OSGIN1: variants seen among roughly 807,000 people sequenced by gnomAD.
OSGIN1 encodes the protein oxidative stress-induced growth inhibitor 1.
In OSGIN1, 19 loss-of-function variants were observed where a neutral mutation model predicts 20.1. That is an observed-to-expected ratio of 0.95 (90% CI 0.66 to 1.39). The LOEUF is 1.39. OSGIN1 is among the 40% of genes most tolerant of loss of function. The pLI is 0.00. For missense variants in OSGIN1, 820 were observed against 653.0 expected (o/e 1.26, Z -2.79); for synonymous variants, 368 against 297.8 (o/e 1.24, Z -2.43).
chr16:83,962,977 C>T (rs1322103164), intron 5 of OSGIN1, among the ~76,000 whole-genome samples: 1 of 152,154 alleles, frequency 6.6e-6, no homozygotes, highest in African/African-American at 2.4e-5. Context: ...TAAAGGAGTT[C>T]TAGTCCCTGC....
intron 5 of OSGIN1, among the ~76,000 whole-genome samples, chr16:83,962,224 A>T (rs1389735470): frequency 2.0e-5 from 3 of 152,022 alleles, no homozygotes; most frequent in Non-Finnish European, 1.5e-5. Context: ...CAGTTAATTT[A>T]GGAAGTTTTG....
At chr16:83,958,230 T>C (rs1249113305) in intron 2 of OSGIN1, among the ~76,000 whole-genome samples, 2 of 152,218 alleles carry the variant, frequency 1.3e-5, no homozygotes, top group Non-Finnish European at 1.5e-5. Context: ...GCGTTTACTA[T>C]GTGGCCAGTG....
chr16:83,957,698 C>G lies in OSGIN1; in HGVS notation c.27C>G (p.Leu9=). Residue 9 remains leucine, a synonymous_variant, in exon 2 of 6, where the codon CTC becomes CTG. Coordinates refer to ENST00000393306, the MANE Select transcript of OSGIN1 (RefSeq NM_182981.3). MSSSRKDH[L]GASSSEPLPV... ...TGAGCTCCTCCAGAAAGGACCACCT[C>G]GGCGCCAGCAGCTCAGAGCCCCTCC... 2 of 1,606,790 alleles carry G rather than the reference C, an allele frequency of 1.2e-6. No individual in the cohort carries two copies. Among genetic ancestry groups the G allele is most frequent in the Non-Finnish European group, 1.7e-6 (2 of 1,176,394 alleles).
chr16:83,955,970 A>T (rs906723538), intron 1 of OSGIN1, among the ~76,000 whole-genome samples: 1 of 152,192 alleles, frequency 6.6e-6, no homozygotes, highest in African/African-American at 2.4e-5. Context: ...GAGCACCGAC[A>T]CAGGGGTCCC....
At chr16:83,955,491 C>T (rs1908884272) in intron 1 of OSGIN1, among the ~76,000 whole-genome samples, 1 of 152,300 alleles carries the variant, frequency 6.6e-6, no homozygotes, top group African/African-American at 2.4e-5. Context: ...GGCTCTGATC[C>T]AGCCCAGCCT....
chr16:83,957,935 A>G (rs971475497), intron 2 of OSGIN1, among the ~76,000 whole-genome samples, 197 bp downstream of exon 2: 1 of 151,992 alleles, frequency 6.6e-6, no homozygotes, highest in Admixed American at 6.6e-5. Flanking sequence ...GGAGTGCAGT[A>G]GTGCAATCTT....
At chr16:83,960,151 A>T (rs2151076955) in intron 3 of OSGIN1, among the ~76,000 whole-genome samples, 1 of 152,266 alleles carries the variant, frequency 6.6e-6, no homozygotes, top group East Asian at 1.9e-4. Context: ...TAGAGAGAAA[A>T]ATGTCCCCAC....
At chr16:83,954,568 G>A (rs113224982) in intron 1 of OSGIN1, 2,180 of 153,644 alleles carry the variant, frequency 0.014, 54 homozygotes, top group African/African-American at 0.047. Context: ...ATTTGTCCGA[G>A]GTTATGAGTG....
chr16:83,959,117 C>T (rs1044998185), intron 2 of OSGIN1, 143 bp from the exon 3 acceptor site: 6 of 631,302 alleles, frequency 9.5e-6, no homozygotes, highest in Non-Finnish European at 1.7e-5. Context: ...CAGTGTCTGG[C>T]ACAGGCTAAG....
intron 1 of OSGIN1, among the ~76,000 whole-genome samples, chr16:83,953,860 C>T (rs1029769826): frequency 1.3e-5 from 2 of 152,200 alleles, no homozygotes; most frequent in African/African-American, 4.8e-5. Context: ...AAGAGTGCGG[C>T]GGGTTGGGAG....
intron 5 of OSGIN1, among the ~76,000 whole-genome samples, chr16:83,963,399 C>T (rs904736922): frequency 4.6e-5 from 7 of 151,652 alleles, no homozygotes; most frequent in Non-Finnish European, 7.4e-5. Flanking sequence ...AAATCTTCAC[C>T]GAATGCTTAT....
chr16:83,965,951 G>T lies in OSGIN1; in HGVS notation c.1378G>T (p.Gly460Cys), dbSNP rs1219870341. The change falls in exon 6 of 6, where the codon GGC becomes TGC. Residue 460 changes from glycine to cysteine, a missense_variant. Transcript: ENST00000393306. ...CAACTTCGTGAGGTTTGTGCAGGGG[G>T]GCGCCTTGGCTGTGGCCAGCTCCCT... ...GDNFVRFVQG[G>C]ALAVASSLLR... 1.2e-6 allele frequency: 2 copies of T among 1,610,478 alleles called. No homozygotes were observed. The highest frequency in any genetic ancestry group is 1.1e-5 in the South Asian group (1 of 90,844).
rs371983436 is a variant in OSGIN1 at position 83,960,601 on chromosome 16, C to A, written c.237C>A (p.Gly79=). Residue 79 remains glycine, a synonymous_variant, in exon 4 of 6, where the codon GGC becomes GGA. Coordinates refer to ENST00000393306, the MANE Select transcript of OSGIN1 (RefSeq NM_182981.3). ...DLDYLSEGLE[G]RSQSPVALLF... ...ACTACCTGTCCGAAGGCCTCGAAGG[C>A]CGATCCCAAAGCCCCGTGGCCCTGC... 1.6e-5 allele frequency: 26 copies of A among 1,613,458 alleles called. No individual in the cohort carries two copies. The Admixed American group carries it at 1.7e-4, about 10-fold the overall frequency.
chr16:83,961,184 A>T (rs2084207265), intron 5 of OSGIN1, 112 bp downstream of exon 5: 1 of 826,052 alleles, frequency 1.2e-6, no homozygotes, highest in African/African-American at 1.7e-5. Flanking sequence ...AAGGTTGAGG[A>T]CGCGCCCGTG....
At chr16:83,960,469 A>G in intron 3 of OSGIN1, 100 bp from the exon 4 acceptor site, 1 of 901,310 alleles carries the variant, frequency 1.1e-6, no homozygotes, top group Non-Finnish European at 1.7e-6. Context: ...TGCCAGGGAA[A>G]TGGCCCGGCC....
At chr16:83,964,970 G>C (rs1289015407) in intron 5 of OSGIN1, 92 bp from the exon 6 acceptor site, 10 of 860,416 alleles carry the variant, frequency 1.2e-5, no homozygotes, top group African/African-American at 3.4e-5. Context: ...TCCAGCTCCA[G>C]GGCCTGACAC....
intron 5 of OSGIN1, among the ~76,000 whole-genome samples, chr16:83,962,727 G>A (rs2151078438): frequency 6.6e-6 from 1 of 152,348 alleles, no homozygotes; most frequent in Non-Finnish European, 1.5e-5. Flanking sequence ...AACTCCAGCA[G>A]GGAGGGGTGT....
At chr16:83,957,924 TG>T (rs1378536012) in intron 2 of OSGIN1, among the ~76,000 whole-genome samples, 186 bp downstream of exon 2, 4 of 152,276 alleles carry the variant, frequency 2.6e-5, no homozygotes, top group African/African-American at 9.6e-5. Flanking sequence ...TCGCCCAGGC[TG>T]GAGTGCAGTA....
At chr16:83,961,285 A>T in intron 5 of OSGIN1, 1 of 547,298 alleles carries the variant, frequency 1.8e-6, no homozygotes, top group Non-Finnish European at 3.3e-6. Context: ...ACATCAATCA[A>T]TATTTGTAAG....
Sources: allele counts gnomAD v4.1 joint callset (sites outside exome capture counted in the v4.1 genomes callset), GRCh38; gene constraint gnomAD v4.1.1; transcripts MANE v1.5; gene names NCBI Gene and HGNC (gene_info 2026-07-23, HGNC 2026-07-21).